Variants in ADGRL4 observed in about 807,000 individuals in gnomAD.
ADGRL4 encodes the protein EGF, latrophilin and seven transmembrane domain containing 1.
Under a neutral mutation model 74.8 loss-of-function variants are expected in ADGRL4, and 90 were observed. The ratio of observed to expected loss-of-function variants is 1.20; its 90% CI spans 1.02 to 1.43. The LOEUF (loss-of-function observed/expected upper bound fraction) is 1.43, where lower values mean the gene tolerates loss of function less well. ADGRL4 is among the 40% of genes most tolerant of loss of function. The pLI, the probability that ADGRL4 is intolerant of heterozygous loss-of-function variation, is 0.00. For missense variants in ADGRL4, 881 were observed against 814.3 expected, an observed-to-expected ratio of 1.08 and a Z score of -1.00; for synonymous variants, 311 against 279.2, an observed-to-expected ratio of 1.11 and a Z score of -1.14.
chr1:78,920,869 G>C lies in ADGRL4; in HGVS notation c.1258-483C>G, dbSNP rs538121720. On this transcript the variant is annotated intron_variant, in intron 9 of 14. Transcript: ENST00000370742. ...GTTCAGAAACTTTGAAATAGAAAAT[G>C]CTGGTTTTATCCTAACTAGATGAAT... 3.3e-5 allele frequency among the ~76,000 whole-genome samples: 5 copies of C among 151,886 alleles called. No homozygotes were observed. The East Asian group carries it at 9.7e-4, about 30-fold the overall frequency.
At chr1:78,914,827 G>T (rs556431767) in intron 12 of ADGRL4, among the ~76,000 whole-genome samples, 1 of 151,720 alleles carries the variant, frequency 6.6e-6, no homozygotes, top group Non-Finnish European at 1.5e-5. Context: ...ACAACTCTGC[G>T]CTTGGAGGGT....
intron 2 of ADGRL4, among the ~76,000 whole-genome samples, chr1:79,002,536 G>A (rs1460692311): frequency 6.6e-6 from 1 of 152,084 alleles, no homozygotes; most frequent in Non-Finnish European, 1.5e-5. Flanking sequence ...TGACAAAGAA[G>A]AGCCATTGGC....
Position 78,971,833 on chromosome 1 carries a change from G to A in ADGRL4, c.173-25407C>T, listed in dbSNP as rs377389776. ...GTGCAGTGGTACGATCTCAGCCCAC[G>A]GCAACCTCCACCTCCAGGTTCAAGT... On this transcript the variant is annotated intron_variant, in intron 2 of 14. Coordinates refer to ENST00000370742, the MANE Select transcript of ADGRL4 (RefSeq NM_022159.4). 1.5e-3 allele frequency among the ~76,000 whole-genome samples: 229 copies of A among 152,168 alleles called. 3 individuals carry two copies. The highest frequency in any genetic ancestry group is 5.2e-3 in the African/African-American group (216 of 41,520).
At chr1:79,002,514 AC>A (rs1194035987) in intron 2 of ADGRL4, among the ~76,000 whole-genome samples, 3 of 152,122 alleles carry the variant, frequency 2.0e-5, no homozygotes, top group Non-Finnish European at 2.9e-5. Context: ...AAGGGCCTAG[AC>A]TTTATTCTGT....
At chr1:78,978,374 C>T (rs1650331178) in intron 2 of ADGRL4, among the ~76,000 whole-genome samples, 1 of 151,820 alleles carries the variant, frequency 6.6e-6, no homozygotes, top group African/African-American at 2.4e-5. Flanking sequence ...GTATTGTCTA[C>T]CATATAGCTG....
chr1:78,974,646 C>T (rs768948871), intron 2 of ADGRL4, among the ~76,000 whole-genome samples: 1 of 152,116 alleles, frequency 6.6e-6, no homozygotes, highest in Non-Finnish European at 1.5e-5. Flanking sequence ...GGGTTGACCT[C>T]TTTTCAGGAA....
Position 78,936,275 on chromosome 1 carries a change from T to G in ADGRL4, c.877+20A>C. 6.3e-7 allele frequency: 1 copy of G among 1,581,992 alleles called. No homozygotes were observed. Among genetic ancestry groups the G allele is most frequent in the South Asian group, 1.2e-5 (1 of 85,814 alleles). ...TGCAAATTCATTGATATATTGTCTG[T>G]TAGATTGTTAAAGTCCTACCATTTG... On this transcript the variant is annotated intron_variant, in intron 7 of 14. Transcript: ENST00000370742.
chr1:78,965,910 A>G (rs1483616719), intron 2 of ADGRL4, among the ~76,000 whole-genome samples: 4 of 152,136 alleles, frequency 2.6e-5, no homozygotes, highest in African/African-American at 7.2e-5. Context: ...TACTATCTCA[A>G]ATGAATGTTT....
In ADGRL4 at chr1:78,995,865, C is replaced by T. The variant is rs1168857665; in HGVS notation, c.172+9205G>A. Among the ~76,000 whole-genome samples the T allele has an allele frequency of 5.3e-5, 8 of 152,210 alleles. No homozygotes were observed. In the East Asian group the frequency reaches 1.5e-3, roughly 29 times the overall value. The stretch of plus-strand genomic sequence containing the variant: ...AAAATATACATAACAAATTTGAAGA[C>T]TTTAGCAAAGAAACACTAAAATTTA... On this transcript the variant is annotated intron_variant, in intron 2 of 14. Coordinates refer to ENST00000370742, the MANE Select transcript of ADGRL4 (RefSeq NM_022159.4).
chr1:78,917,822 TA>T lies in ADGRL4; in HGVS notation c.1682+7del, dbSNP rs1225904044. ...ATTTCAAATGCTCATGAAATCATTT[TA>T]ACTTACACTTTGGTTGTGCCATAAT... On this transcript the variant is annotated splice_region_variant and intron_variant, in intron 11 of 14. Transcript: ENST00000370742. 9 of 1,610,616 alleles carry T rather than the reference TA, an allele frequency of 5.6e-6. No homozygotes were observed. Among genetic ancestry groups the T allele is most frequent in the Non-Finnish European group, 6.8e-6 (8 of 1,177,492 alleles).
intron 12 of ADGRL4, among the ~76,000 whole-genome samples, chr1:78,911,957 G>A (rs974377243): frequency 6.6e-6 from 1 of 151,666 alleles, no homozygotes; most frequent in Non-Finnish European, 1.5e-5. Context: ...TATTACCATC[G>A]ATATTTTTAG....
At chr1:78,962,100 C>T (rs551937181) in intron 2 of ADGRL4, among the ~76,000 whole-genome samples, 137 of 152,170 alleles carry the variant, frequency 9.0e-4, no homozygotes, top group African/African-American at 3.0e-3. Context: ...AGGCTGGTCT[C>T]GAACTCCTGA....
Position 78,926,890 on chromosome 1 carries a change from C to T in ADGRL4, c.1079G>A (p.Arg360Gln), listed in dbSNP as rs866442932. The part of the protein sequence containing the change: ...LEKITFTLSH[R>Q]KVTDRYRSLC... The stretch of plus-strand genomic sequence containing the variant: ...ACTACCAGAAAAACAGCTTACCTTT[C>T]GATGACTTAATGTAAATGTTATTTT... Residue 360 changes from arginine (R) to glutamine (Q), a missense_variant, in exon 8 of 15, where the codon CGA becomes CAA. By Grantham distance (43) the Arg-to-Gln change is conservative (BLOSUM62 1). Coordinates refer to ENST00000370742, the MANE Select transcript of ADGRL4 (RefSeq NM_022159.4). 30 of 1,609,016 alleles carry T rather than the reference C, an allele frequency of 1.9e-5. No homozygotes were observed. Among genetic ancestry groups the T allele is most frequent in the Non-Finnish European group, 2.4e-5 (28 of 1,176,612 alleles).
chr1:78,899,200 C>T (rs932301479), intron 12 of ADGRL4, among the ~76,000 whole-genome samples: 10 of 152,132 alleles, frequency 6.6e-5, no homozygotes, highest in African/African-American at 2.4e-4. Context: ...TTTGTTCTTT[C>T]AAATAGTTTT....
chr1:78,951,639 G>C (rs1244449413), intron 2 of ADGRL4, among the ~76,000 whole-genome samples: 2 of 152,076 alleles, frequency 1.3e-5, no homozygotes, highest in South Asian at 2.1e-4. Flanking sequence ...CTGTTAAATG[G>C]TACATTTTAT....
chr1:78,962,926 C>A (rs149299485), intron 2 of ADGRL4, among the ~76,000 whole-genome samples: 1,709 of 152,224 alleles, frequency 0.011, 16 homozygotes, highest in Middle Eastern at 0.041. Flanking sequence ...GGAAGTTCAT[C>A]TTTTCTTATG....
chr1:78,921,834 C>T (rs1167412820), intron 8 of ADGRL4, 48 bp from the exon 9 acceptor site: 3 of 1,107,998 alleles, frequency 2.7e-6, no homozygotes, highest in African/African-American at 3.3e-5. Context: ...AAGTTACATA[C>T]ATAGTATTGT....
chr1:78,957,579 A>G (rs1425549513), intron 2 of ADGRL4, among the ~76,000 whole-genome samples: 1 of 152,186 alleles, frequency 6.6e-6, no homozygotes, highest in African/African-American at 2.4e-5. Flanking sequence ...AACTCCCATC[A>G]ATTCCATAAA....
At chr1:78,958,994 G>A (rs1045117766) in intron 2 of ADGRL4, among the ~76,000 whole-genome samples, 1 of 152,154 alleles carries the variant, frequency 6.6e-6, no homozygotes, top group Non-Finnish European at 1.5e-5. Context: ...CTTGCTGAAG[G>A]TTCAGATAAT....
Sources: gnomAD v4.1 joint callset for allele counts (sites outside exome capture counted in the v4.1 genomes callset) on GRCh38, gnomAD v4.1.1 for gene constraint, MANE v1.5 for transcripts, NCBI Gene and HGNC (gene_info 2026-07-23, HGNC 2026-07-21) for gene names.